The following PHACTR4 variants were observed in gnomAD, a reference collection of about 807,000 sequenced individuals.
PHACTR4 encodes protein phosphatase 1, regulatory subunit 124.
Under a neutral mutation model 72.7 loss-of-function variants are expected in PHACTR4, and 51 were observed. The observed-to-expected ratio is 0.70, with a 90% CI of 0.56 to 0.89. PHACTR4 has a LOEUF of 0.89. Among genes scored for constraint, PHACTR4 ranks in the 40% least tolerant of loss-of-function variants. The pLI, the probability that PHACTR4 is intolerant of heterozygous loss-of-function variation, is 0.00. For synonymous variants in PHACTR4, 255 were observed against 302.5 expected, an observed-to-expected ratio of 0.84 and a Z score of 1.63; for missense variants, 731 against 861.8, an observed-to-expected ratio of 0.85 and a Z score of 1.90.
At chr1:28,392,671 G>T (rs1341415231) in intron 1 of PHACTR4, among the ~76,000 whole-genome samples, 1 of 151,936 alleles carries the variant, frequency 6.6e-6, no homozygotes, top group Non-Finnish European at 1.5e-5. Flanking sequence ...GGGATTACAG[G>T]TGTGAGCCAC....
At chr1:28,381,372 C>T (rs977778776) in intron 1 of PHACTR4, among the ~76,000 whole-genome samples, 2 of 145,420 alleles carry the variant, frequency 1.4e-5, no homozygotes, top group Non-Finnish European at 3.0e-5. Context: ...GATCTCAGCT[C>T]ACTGCAACCT....
chr1:28,408,859 TG>T (rs1394115336), intron 2 of PHACTR4, among the ~76,000 whole-genome samples: 1 of 149,538 alleles, frequency 6.7e-6, no homozygotes, highest in Non-Finnish European at 1.5e-5. Context: ...TTTTTTTTTT[TG>T]GTAGAGATAG....
intron 1 of PHACTR4, among the ~76,000 whole-genome samples, chr1:28,393,681 A>G (rs56147003): frequency 0.092 from 9,154 of 100,024 alleles, 390 homozygotes; most frequent in Middle Eastern, 0.21. Flanking sequence ...TATTCCTTCT[A>G]CACACACACA....
intron 2 of PHACTR4, among the ~76,000 whole-genome samples, chr1:28,422,978 G>A (rs548712299): frequency 3.9e-5 from 6 of 152,280 alleles, no homozygotes; most frequent in African/African-American, 1.2e-4. Flanking sequence ...TAGTAGAGAC[G>A]GGGTTTCCCC....
chr1:28,391,047 G>A (rs1652977063), intron 1 of PHACTR4, among the ~76,000 whole-genome samples: 1 of 150,394 alleles, frequency 6.6e-6, no homozygotes, highest in Non-Finnish European at 1.5e-5. Context: ...GTAGTGAGCC[G>A]TGATTGTGCC....
intron 7 of PHACTR4, among the ~76,000 whole-genome samples, chr1:28,475,243 G>A (rs66683351): frequency 0.28 from 42,784 of 151,772 alleles, 6,198 homozygotes; most frequent in Middle Eastern, 0.34. Context: ...GAGCCACTGC[G>A]CCTGGCCAAA....
chr1:28,493,261 G>A (rs1049876672), intron 13 of PHACTR4, among the ~76,000 whole-genome samples, 170 bp downstream of exon 13: 1 of 152,206 alleles, frequency 6.6e-6, no homozygotes, highest in African/African-American at 2.4e-5. Context: ...GCCTAGGCCA[G>A]GTGCGGTGGC....
intron 12 of PHACTR4, 101 bp from the exon 13 acceptor site, chr1:28,492,914 C>A: frequency 1.0e-6 from 1 of 978,744 alleles, no homozygotes; most frequent in Admixed American, 2.0e-5. Flanking sequence ...TGAGGGGTTG[C>A]AGTGACTTAC....
At chr1:28,414,500 C>A (rs1433358850) in intron 2 of PHACTR4, among the ~76,000 whole-genome samples, 2 of 150,862 alleles carry the variant, frequency 1.3e-5, no homozygotes, top group Admixed American at 1.3e-4. Context: ...ACCTCTGCCT[C>A]CCAAGTAGCT....
At chr1:28,465,603 A>G in intron 4 of PHACTR4, 82 bp from the exon 5 acceptor site, 1 of 1,397,304 alleles carries the variant, frequency 7.2e-7, no homozygotes, top group Non-Finnish European at 9.7e-7. Context: ...AAAGAGAGAG[A>G]AAGAAAAAAA....
chr1:28,493,107 C>A lies in PHACTR4; in HGVS notation c.2093+16C>A, dbSNP rs1183172632. On this transcript the variant is annotated intron_variant, in intron 13 of 13. Coordinates refer to ENST00000373839, the MANE Select transcript of PHACTR4 (RefSeq NM_001048183.3). Reference sequence around the variant, plus strand: ...ATTTTACACGGTAAGACCCAAAAGACCCAATCATATATGTGCTAGGTAGAG... The same window carrying A: ...ATTTTACACGGTAAGACCCAAAAGAACCAATCATATATGTGCTAGGTAGAG... The A allele has an allele frequency of 6.2e-7, 1 of 1,601,376 alleles. No homozygotes were observed. The highest frequency in any genetic ancestry group is 1.7e-5 in the Admixed American group (1 of 59,958).
At chr1:28,423,169 C>T (rs549568684) in intron 2 of PHACTR4, among the ~76,000 whole-genome samples, 3 of 152,158 alleles carry the variant, frequency 2.0e-5, no homozygotes, top group Non-Finnish European at 4.4e-5. Flanking sequence ...TCCCAGCACT[C>T]TGGGAGGCGG....
intron 9 of PHACTR4, among the ~76,000 whole-genome samples, chr1:28,480,834 A>G (rs1570089998): frequency 6.6e-6 from 1 of 151,822 alleles, no homozygotes; most frequent in East Asian, 1.9e-4. Flanking sequence ...CGTTATAGGC[A>G]CCTGCCACCA....
intron 1 of PHACTR4, among the ~76,000 whole-genome samples, chr1:28,391,077 G>A (rs921819867): frequency 3.4e-5 from 5 of 146,010 alleles, no homozygotes; most frequent in African/African-American, 5.2e-5. Context: ...CAGCCTGGGC[G>A]ACAAGAGTGA....
Position 28,465,783 on chromosome 1 carries a change from G to A in PHACTR4, c.370G>A (p.Glu124Lys), listed in dbSNP as rs769482180. 6 of 1,612,672 alleles carry A rather than the reference G, an allele frequency of 3.7e-6. No individual in the cohort carries two copies. Among genetic ancestry groups the A allele is most frequent in the Non-Finnish European group, 3.4e-6 (4 of 1,179,396 alleles). Residue 124 changes from glutamate (E) to lysine (K), a missense_variant, in exon 5 of 14, where the codon GAA becomes AAA. By Grantham distance (56) the Glu-to-Lys change is moderately conservative. Around this residue, in one of 2 missense-constraint regions of PHACTR4, gnomAD observed 621 missense variants for 676.6 expected, o/e 0.92. Transcript: ENST00000373839. ...ARSSSPVQVEEEPVRLASLRK... is the reference protein window; with the variant it reads ...ARSSSPVQVEKEPVRLASLRK... ...ATCATCTAGTCCAGTCCAAGTAGAG[G>A]AAGAGCCAGTAAGATTAGCAAGTCT...
intron 1 of PHACTR4, among the ~76,000 whole-genome samples, chr1:28,377,158 A>G (rs61647961): frequency 0.38 from 57,866 of 150,732 alleles, 12,717 homozygotes; most frequent in African/African-American, 0.6. Context: ...CTGAGGTTCC[A>G]AACTCCTGAA....
At chr1:28,452,524 G>C (rs964806501) in intron 2 of PHACTR4, among the ~76,000 whole-genome samples, 4 of 150,392 alleles carry the variant, frequency 2.7e-5, no homozygotes, top group Middle Eastern at 3.5e-3. Flanking sequence ...TTAAAAAGAG[G>C]CTGGGCACAA....
intron 2 of PHACTR4, among the ~76,000 whole-genome samples, chr1:28,450,968 A>G (rs144848663): frequency 0.18 from 13,232 of 74,190 alleles, 1,620 homozygotes; most frequent in African/African-American, 0.46. Context: ...GTACCACCAC[A>G]CCCAGCTTTT....
chr1:28,395,384 C>A (rs1250599852), intron 1 of PHACTR4, among the ~76,000 whole-genome samples: 1 of 152,028 alleles, frequency 6.6e-6, no homozygotes. Context: ...AATTAATGTC[C>A]TTTATAACTC....
Sources: gnomAD v4.1 joint callset for allele counts (sites outside exome capture counted in the v4.1 genomes callset) on GRCh38, gnomAD v4.1.1 for gene constraint, gnomAD v4.1.1 regional missense constraint, MANE v1.5 for transcripts, NCBI Gene and HGNC (gene_info 2026-07-23, HGNC 2026-07-21) for gene names.